The following FYB2 variants were observed in gnomAD, a reference collection of about 807,000 sequenced individuals.
The protein encoded by FYB2 is FYN-binding protein 2.
FYB2 carries 103 observed loss-of-function variants against 94.1 expected under a neutral mutation model. The ratio of observed to expected loss-of-function variants is 1.09; its 90% CI spans 0.93 to 1.29. FYB2 has a LOEUF of 1.29. Among genes scored for constraint, FYB2 ranks in the 50% most tolerant of loss-of-function variants. The pLI is 0.00. For synonymous variants in FYB2, 293 were observed against 287.9 expected, an observed-to-expected ratio of 1.02 and a Z score of -0.18; for missense variants, 896 against 841.5, an observed-to-expected ratio of 1.06 and a Z score of -0.80.
intron 9 of FYB2, among the ~76,000 whole-genome samples, chr1:56,746,246 T>C (rs112923361): frequency 5.9e-5 from 9 of 152,174 alleles, no homozygotes; most frequent in African/African-American, 2.2e-4. Context: ...AAGTACTTAA[T>C]ATATTTGAAT....
At chr1:56,767,082 C>G (rs971467935) in intron 5 of FYB2, among the ~76,000 whole-genome samples, 2 of 152,222 alleles carry the variant, frequency 1.3e-5, no homozygotes, top group African/African-American at 4.8e-5. Flanking sequence ...ACCACTCTAT[C>G]AGCAGGGCTG....
chr1:56,744,205 T>G lies in FYB2; in HGVS notation c.1449A>C (p.Thr483=). 6.2e-7 allele frequency: 1 copy of G among 1,612,712 alleles called. No individual in the cohort carries two copies. Among genetic ancestry groups the G allele is most frequent in the Non-Finnish European group, 8.5e-7 (1 of 1,179,306 alleles). ...CATATATCTCCTCCGAGATGGAACT[T>G]GTCTTAGAGACCCCTAGGTCTGGAG... is the stretch of plus-strand genomic sequence containing the variant. The part of the protein sequence containing the change: ...KETPDLGVSK[T]SSISEEIYDD... The change falls in exon 10 of 20, where the codon ACA becomes ACC. Residue 483 remains threonine (T), a synonymous_variant. Coordinates refer to ENST00000343433, the MANE Select transcript of FYB2 (RefSeq NM_001004303.5).
chr1:56,763,685 G>A (rs770277052), intron 5 of FYB2, among the ~76,000 whole-genome samples: 1 of 151,202 alleles, frequency 6.6e-6, no homozygotes, highest in Non-Finnish European at 1.5e-5. Context: ...CTTGCTAGAC[G>A]TTTATCAATT....
chr1:56,788,925 G>C, intron 3 of FYB2, 48 bp downstream of exon 3: 1 of 1,606,142 alleles, frequency 6.2e-7, no homozygotes, highest in Non-Finnish European at 8.5e-7. Context: ...TGTGGAGACG[G>C]AGGTGACTCC....
At chr1:56,775,020 G>A (rs1490046766) in intron 4 of FYB2, among the ~76,000 whole-genome samples, 1 of 152,014 alleles carries the variant, frequency 6.6e-6, no homozygotes. Context: ...CAAAAAGTAG[G>A]GATACTTTTG....
chr1:56,773,870 TG>T (rs778784975), intron 4 of FYB2, among the ~76,000 whole-genome samples: 1 of 152,162 alleles, frequency 6.6e-6, no homozygotes, highest in Non-Finnish European at 1.5e-5. Context: ...TACAGGTTCC[TG>T]GTGACAAGGG....
At chr1:56,758,847 G>A (rs918066648) in intron 5 of FYB2, 97 bp from the exon 6 acceptor site, 1 of 923,492 alleles carries the variant, frequency 1.1e-6, no homozygotes, top group African/African-American at 1.7e-5. Context: ...CCAGAATTCA[G>A]TTTTCTCACC....
chr1:56,810,150 G>A (rs1434038680), intron 1 of FYB2, among the ~76,000 whole-genome samples: 1 of 152,154 alleles, frequency 6.6e-6, no homozygotes, highest in Non-Finnish European at 1.5e-5. Context: ...CTGTGGCAGA[G>A]TACATGTTCA....
intron 1 of FYB2, among the ~76,000 whole-genome samples, chr1:56,793,492 G>T (rs1331066014): frequency 1.3e-5 from 2 of 152,038 alleles, no homozygotes; most frequent in African/African-American, 2.4e-5. Context: ...ACCAACTACT[G>T]CATGTTCTCA....
chr1:56,826,741 G>A, the FYB2 span: 1 of 152,212 alleles, frequency 6.6e-6, no homozygotes, highest in Non-Finnish European at 1.5e-5. Context: ...CCATATGGTA[G>A]CCTCTGTGAG....
chr1:56,822,551 C>G (rs1450963645), upstream of FYB2, among the ~76,000 whole-genome samples: 1 of 152,200 alleles, frequency 6.6e-6, no homozygotes, highest in Admixed American at 6.5e-5. Context: ...AAGGGCCCAT[C>G]CATTCTTCGG....
At chr1:56,793,950 T>C (rs1210983409) in intron 1 of FYB2, among the ~76,000 whole-genome samples, 1 of 152,166 alleles carries the variant, frequency 6.6e-6, no homozygotes, top group Non-Finnish European at 1.5e-5. Flanking sequence ...TCTGAGAAAC[T>C]TGATCTTCCC....
At position 56,751,315 on chromosome 1, in the gene FYB2, T is replaced by A. The variant is rs573980991; in HGVS notation, c.1228-112A>T. On this transcript the variant is annotated intron_variant, in intron 8 of 19. Coordinates refer to ENST00000343433, the MANE Select transcript of FYB2 (RefSeq NM_001004303.5). ...CTCATGGATAACAATTATTTATCAT[T>A]TATTTAACATTGAATAATATCTTAC... is the stretch of plus-strand genomic sequence containing the variant. The A allele has an allele frequency of 1.7e-5, 19 of 1,125,090 alleles. No individual in the cohort carries two copies. In the South Asian group the frequency reaches 2.7e-4, roughly 16 times the overall value. 69.7% of individuals were successfully genotyped at this position (1,125,090 alleles called of 1,614,324 possible).
rs1192753259 is a variant in FYB2 at position 56,734,400 on chromosome 1, C to T, written c.1793+2687G>A. ...GTCTGTGTCTTTTAAATAGCAAAGA[C>T]TTGGAACCAACCCAAATGTCCATCA... On this transcript the variant is annotated intron_variant, in intron 15 of 19. Transcript: ENST00000343433. Among the ~76,000 whole-genome samples the T allele has an allele frequency of 1.3e-5, 2 of 152,092 alleles. 1 individual carries two copies. The highest frequency in any genetic ancestry group is 4.8e-5 in the African/African-American group (2 of 41,446).
At chr1:56,796,003 C>A (rs1341155017) in intron 1 of FYB2, among the ~76,000 whole-genome samples, 3 of 152,058 alleles carry the variant, frequency 2.0e-5, no homozygotes, top group Non-Finnish European at 4.4e-5. Context: ...CAACGAGAGA[C>A]AGAAAATAAG....
intron 2 of FYB2, among the ~76,000 whole-genome samples, chr1:56,791,454 C>T (rs1046123329): frequency 3.3e-5 from 5 of 152,060 alleles, no homozygotes; most frequent in Non-Finnish European, 7.4e-5. Flanking sequence ...TGGGGTTTTG[C>T]CATATTAGCC....
intron 4 of FYB2, among the ~76,000 whole-genome samples, chr1:56,782,772 CT>C (rs956807330): frequency 1.3e-5 from 2 of 152,088 alleles, no homozygotes; most frequent in Non-Finnish European, 2.9e-5. Flanking sequence ...AGACCCTCCC[CT>C]AAGAAACACT....
chr1:56,782,189 TATCG>T (rs1262081708), intron 4 of FYB2, among the ~76,000 whole-genome samples: 7 of 152,180 alleles, frequency 4.6e-5, no homozygotes, highest in African/African-American at 1.7e-4. Flanking sequence ...TCTACTGATC[TATCG>T]AACACTAGTT....
chr1:56,786,556 T>C (rs1373313321), intron 4 of FYB2, among the ~76,000 whole-genome samples: 1 of 152,140 alleles, frequency 6.6e-6, no homozygotes, highest in African/African-American at 2.4e-5. Flanking sequence ...ATATAATCAG[T>C]GTAGTTATGG....
Sources: allele counts gnomAD v4.1 joint callset (sites outside exome capture counted in the v4.1 genomes callset), GRCh38; gene constraint gnomAD v4.1.1; transcripts MANE v1.5; gene names NCBI Gene and HGNC (gene_info 2026-07-23, HGNC 2026-07-21).